Variants in NFATC4 observed in about 807,000 individuals in gnomAD.
NFATC4 encodes the protein nuclear factor of activated T cells 4.
In NFATC4, 25 loss-of-function variants were observed where a neutral mutation model predicts 73.4. The observed-to-expected ratio is 0.34, with a 90% CI of 0.25 to 0.48. The LOEUF (loss-of-function observed/expected upper bound fraction) is 0.48, where lower values mean the gene tolerates loss of function less well. Ranked by LOEUF, NFATC4 falls within the 20% of genes least tolerant of loss-of-function variation. NFATC4 has a pLI of 0.99. For synonymous variants in NFATC4, 523 were observed against 510.3 expected, an observed-to-expected ratio of 1.02 and a Z score of -0.34; for missense variants, 1,130 against 1,203.7, an observed-to-expected ratio of 0.94 and a Z score of 0.91.
chr14:24,369,594 C>A lies in NFATC4; in HGVS notation c.196C>A (p.Pro66Thr), dbSNP rs751093571. ...AAPIGIPRPP[P>T]PRPGMHSPPP... is the part of the protein sequence containing the mutation. ...ACCTATCGGTATTCCCCGACCTCCA[C>A]CCCCTCGGCCTGGCATGCATTCGCC... The change falls in exon 2 of 10, where the codon CCC (proline) becomes ACC (threonine). Residue 66 changes from proline (P) to threonine (T), a missense_variant. Coordinates refer to ENST00000250373, the MANE Select transcript of NFATC4 (RefSeq NM_004554.5). 3.1e-6 allele frequency: 5 copies of A among 1,613,118 alleles called. No homozygotes were observed. In the Admixed American group the frequency reaches 5.0e-5, roughly 16 times the overall value.
Position 24,370,415 on chromosome 14 carries a change from G to A in NFATC4, c.1017G>A (p.Val339=), listed in dbSNP as rs2042442927. 1 of 1,613,978 alleles carries A rather than the reference G, an allele frequency of 6.2e-7. No homozygotes were observed. The highest frequency in any genetic ancestry group is 8.5e-7 in the Non-Finnish European group (1 of 1,180,034). Residue 339 remains valine (V), a synonymous_variant, in exon 2 of 10, where the codon GTG becomes GTA. Coordinates refer to ENST00000250373, the MANE Select transcript of NFATC4 (RefSeq NM_004554.5). The part of the protein sequence containing the change: ...KTRRTSSEQA[V]ALPRSEEPAS... Reference sequence around the variant, plus strand: ...GGCGGACTTCCAGCGAGCAGGCAGTGGCTCTGCCTCGGTCTGAGGAGCCTG... The same window carrying A: ...GGCGGACTTCCAGCGAGCAGGCAGTAGCTCTGCCTCGGTCTGAGGAGCCTG...
At position 24,372,578 on chromosome 14, in the gene NFATC4, C is replaced by A. The variant is rs758476872; in HGVS notation, c.1334C>A (p.Ala445Asp). The change falls in exon 3 of 10, where the codon GCC (alanine) becomes GAC (aspartate). Residue 445 changes from alanine to aspartate, a missense_variant. By Grantham distance (126) the Ala-to-Asp change is moderately radical. Coordinates refer to ENST00000250373, the MANE Select transcript of NFATC4 (RefSeq NM_004554.5). ...TEGSRGAVKA[A>D]PGGHPVVKLL... is the part of the protein sequence containing the mutation. The stretch of plus-strand genomic sequence containing the variant: ...GGCAGCCGTGGAGCTGTCAAAGCTG[C>A]CCCTGGCGGTCACCCCGTAGTCAAG... The A allele has an allele frequency of 6.2e-7, 1 of 1,614,036 alleles. No individual in the cohort carries two copies. Among genetic ancestry groups the A allele is most frequent in the Non-Finnish European group, 8.5e-7 (1 of 1,180,038 alleles).
At chr14:24,367,164 C>T (rs2042330310), upstream of NFATC4, 2 of 1,613,952 alleles carry the variant, frequency 1.2e-6, no homozygotes, top group Non-Finnish European at 1.7e-6. Flanking sequence ...CTCTCCAAGC[C>T]TGACTTTCCC....
At chr14:24,369,422 G>C in intron 1 of NFATC4, 77 bp from the exon 2 acceptor site, 9 of 1,608,084 alleles carry the variant, frequency 5.6e-6, no homozygotes, top group Non-Finnish European at 7.6e-6. Flanking sequence ...TTGCGGCCTG[G>C]CCACTCAAGG....
chr14:24,368,250 G>A lies in NFATC4; in HGVS notation c.-91G>A. The stretch of plus-strand genomic sequence containing the variant: ...GGAGGAGGGGGCTTCTCAGAGAAAG[G>A]GAGGGAGGGAGCCACCCGGGTGAAG... On this transcript the variant is annotated 5_prime_UTR_variant, in exon 1 of 10. Transcript: ENST00000250373. 3 of 1,340,576 alleles carry A rather than the reference G, an allele frequency of 2.2e-6. No individual in the cohort carries two copies. Among genetic ancestry groups the A allele is most frequent in the Non-Finnish European group, 2.9e-6 (3 of 1,043,476 alleles). 83.0% of individuals were successfully genotyped at this position (1,340,576 alleles called of 1,614,324 possible).
At chr14:24,367,553 C>G, upstream of NFATC4, 1 of 1,536,168 alleles carries the variant, frequency 6.5e-7, no homozygotes, top group Non-Finnish European at 8.7e-7. Flanking sequence ...TCCAGGCTGG[C>G]TAAGCGTTCT....
rs2042700967 is a variant in NFATC4 at position 24,378,926 on chromosome 14, C to T, written c.*1221C>T. On this transcript the variant is annotated 3_prime_UTR_variant, in exon 10 of 10. Coordinates refer to ENST00000250373, the MANE Select transcript of NFATC4 (RefSeq NM_004554.5). ...AAAGTCACTTTGTCTGTCTTGTTCA[C>T]CTGGAGCCTGACACACCGTAGGTAC... 6.6e-6 allele frequency: 1 copy of T among 152,268 alleles called. No individual in the cohort carries two copies. The highest frequency in any genetic ancestry group is 1.5e-5 in the Non-Finnish European group (1 of 68,078). 9.4% of individuals were successfully genotyped at this position (152,268 alleles called of 1,614,324 possible).
Position 24,373,768 on chromosome 14 carries a change from C to T in NFATC4, c.1633C>T (p.Arg545Cys), listed in dbSNP as rs2042536618. The T allele has an allele frequency of 6.2e-7, 1 of 1,614,110 alleles. No homozygotes were observed. The highest frequency in any genetic ancestry group is 8.5e-7 in the Non-Finnish European group (1 of 1,180,028). ...TCGGAAGGGTGAGACGGACATCGGG[C>T]GCAAAAACACACGTGTACGGCTGGT... is the stretch of plus-strand genomic sequence containing the variant. The part of the protein sequence containing the change: ...ELRKGETDIG[R>C]KNTRVRLVFR... The change falls in exon 5 of 10, where the codon CGC becomes TGC. Residue 545 changes from arginine to cysteine, a missense_variant. This residue lies in a region of NFATC4 where 155 missense variants were observed against 221.2 expected (regional missense o/e 0.70). Coordinates refer to ENST00000250373, the MANE Select transcript of NFATC4 (RefSeq NM_004554.5). This position sits in a 1 kb window ranked among gnomAD's most constrained non-coding sequence, Gnocchi z 4.7.
In NFATC4 at chr14:24,373,739, A is replaced by G; in HGVS notation, c.1604A>G (p.Glu535Gly). 1 of 1,613,122 alleles carries G rather than the reference A, an allele frequency of 6.2e-7. No individual in the cohort carries two copies. The highest frequency in any genetic ancestry group is 8.5e-7 in the Non-Finnish European group (1 of 1,179,186). The stretch of plus-strand genomic sequence containing the variant: ...CTGAAGCTTCGGAATTCAGACATTG[A>G]GCTTCGGAAGGGTGAGACGGACATC... ...GILKLRNSDIELRKGETDIGR... is the reference protein window; with the variant it reads ...GILKLRNSDIGLRKGETDIGR... The change falls in exon 5 of 10, where the codon GAG becomes GGG. Residue 535 changes from glutamate to glycine, a missense_variant. By Grantham distance (98) the Glu-to-Gly change is moderately conservative. Around this residue, in one of 3 missense-constraint regions of NFATC4, gnomAD observed 155 missense variants for 221.2 expected, o/e 0.70. Coordinates refer to ENST00000250373, the MANE Select transcript of NFATC4 (RefSeq NM_004554.5). This position sits in a 1 kb window ranked among gnomAD's most constrained non-coding sequence, Gnocchi z 4.7.
At chr14:24,371,884 G>A (rs1364018407) in intron 2 of NFATC4, 2 of 152,634 alleles carry the variant, frequency 1.3e-5, no homozygotes, top group Admixed American at 1.3e-4. Flanking sequence ...GTTTCACCAT[G>A]TTGCCCAGGC....
At chr14:24,370,618 C>T (rs747953815) in intron 2 of NFATC4, 24 bp downstream of exon 2, 11 of 1,588,536 alleles carry the variant, frequency 6.9e-6, no homozygotes, top group Middle Eastern at 1.7e-4. Context: ...CTGGCACTAC[C>T]GCTCTCTCTA....
upstream of NFATC4, chr14:24,367,143 A>G (rs745789485): frequency 1.2e-6 from 2 of 1,612,978 alleles, no homozygotes; most frequent in Non-Finnish European, 8.5e-7. Flanking sequence ...TCCCTCTCAC[A>G]CAACCCAGGC....
At position 24,376,242 on chromosome 14, in the gene NFATC4, G is replaced by A; in HGVS notation, c.2057-52G>A. ...CAGGCAGCTGGAAGGTGTGCAGTGG[G>A]GAGACTACCAGACCTCTCACCAGCA... On this transcript the variant is annotated intron_variant, in intron 8 of 9. Transcript: ENST00000250373. This position sits in a 1 kb window ranked among gnomAD's most constrained non-coding sequence, Gnocchi z 5.0. The A allele has an allele frequency of 1.3e-6, 2 of 1,560,772 alleles. No individual in the cohort carries two copies. Among genetic ancestry groups the A allele is most frequent in the Non-Finnish European group, 1.7e-6 (2 of 1,151,526 alleles).
At position 24,376,358 on chromosome 14, in the gene NFATC4, C is replaced by A; in HGVS notation, c.2121C>A (p.Thr707=). Residue 707 remains threonine (T), a synonymous_variant, in exon 9 of 10, where the codon ACC becomes ACA. Coordinates refer to ENST00000250373, the MANE Select transcript of NFATC4 (RefSeq NM_004554.5). This position sits in a 1 kb window ranked among gnomAD's most constrained non-coding sequence, Gnocchi z 5.0. ...SLRGFPSASA[T]PFGTDMDFSP... is the part of the protein sequence containing the mutation. ...GGGGTTTCCCTTCAGCATCGGCAACCCCCTTTGGCACTGACATGGACTTCT... is the reference window on the plus strand; with the variant it reads ...GGGGTTTCCCTTCAGCATCGGCAACACCCTTTGGCACTGACATGGACTTCT... The A allele has an allele frequency of 6.2e-7, 1 of 1,608,400 alleles. No individual in the cohort carries two copies. The highest frequency in any genetic ancestry group is 1.1e-5 in the South Asian group (1 of 90,296).
chr14:24,369,242 C>A, intron 1 of NFATC4: 2 of 1,537,292 alleles, frequency 1.3e-6, no homozygotes, highest in South Asian at 1.2e-5. Flanking sequence ...ACCCACCTCT[C>A]TCACCTTAAG....
chr14:24,373,390 C>T lies in NFATC4; in HGVS notation c.1559+20C>T, dbSNP rs972564392. 1.4e-5 allele frequency: 23 copies of T among 1,612,682 alleles called. No individual in the cohort carries two copies. The Admixed American group carries it at 1.7e-4, about 12-fold the overall frequency. On this transcript the variant is annotated intron_variant, in intron 4 of 9. Transcript: ENST00000250373. This position sits in a 1 kb window ranked among gnomAD's most constrained non-coding sequence, Gnocchi z 4.7. Reference sequence around the variant, plus strand: ...GGCCAAGTAAGTCCCATGCAACTTCCCCTCAGTCCGCAGGCTTTGTACTAG... The same window carrying T: ...GGCCAAGTAAGTCCCATGCAACTTCTCCTCAGTCCGCAGGCTTTGTACTAG...
rs759470323 is a variant in NFATC4, at chr14:24,377,609, C to T, written c.2642-29C>T. On this transcript the variant is annotated intron_variant, in intron 9 of 9. Coordinates refer to ENST00000250373, the MANE Select transcript of NFATC4 (RefSeq NM_004554.5). The surrounding 1 kb of genome is among the most constrained non-coding windows in gnomAD (Gnocchi z 4.2). Reference sequence around the variant, plus strand: ...GAAAAGGAGGGGACCCACCTCTAGCCCAGTCTCTCAACTGCCCCTCCTTTA... The same window carrying T: ...GAAAAGGAGGGGACCCACCTCTAGCTCAGTCTCTCAACTGCCCCTCCTTTA... 2 of 1,614,102 alleles carry T rather than the reference C, an allele frequency of 1.2e-6. No homozygotes were observed. The highest frequency in any genetic ancestry group is 1.1e-5 in the South Asian group (1 of 91,076).
At chr14:24,374,094 C>T (rs1340157982) in intron 5 of NFATC4, 4 of 886,708 alleles carry the variant, frequency 4.5e-6, no homozygotes, top group East Asian at 2.6e-5. Flanking sequence ...GTGCCCTGTG[C>T]CCTTGTTTGG....
chr14:24,373,689 C>T lies in NFATC4; in HGVS notation c.1560-6C>T, dbSNP rs2042533907. ...GGAGGGCTTGCCATCCATCCTTTGC[C>T]TCCAGCATTGACTGCGCGGGAATCC... is the stretch of plus-strand genomic sequence containing the variant. On this transcript the variant is annotated splice_polypyrimidine_tract_variant and splice_region_variant and intron_variant, in intron 4 of 9. Transcript: ENST00000250373. The surrounding 1 kb of genome is among the most constrained non-coding windows in gnomAD (Gnocchi z 4.7). 1 of 1,600,228 alleles carries T rather than the reference C, an allele frequency of 6.2e-7. No individual in the cohort carries two copies. Among genetic ancestry groups the T allele is most frequent in the Non-Finnish European group, 8.5e-7 (1 of 1,171,624 alleles).
Sources: allele counts gnomAD v4.1 joint callset, GRCh38; gene constraint gnomAD v4.1.1; regional missense constraint gnomAD v4.1.1; non-coding constraint Gnocchi (gnomAD v3.1); transcripts MANE v1.5; gene names NCBI Gene and HGNC (gene_info 2026-07-23, HGNC 2026-07-21).